Variants in SLC25A21 observed in about 807,000 individuals in gnomAD.
SLC25A21 encodes the protein mitochondrial 2-oxodicarboxylate carrier.
A neutral mutation model predicts 43.8 loss-of-function variants in SLC25A21; 47 were observed. The observed-to-expected ratio is 1.07, with a 90% CI of 0.85 to 1.37. The LOEUF is 1.37. Among genes scored for constraint, SLC25A21 ranks in the 40% most tolerant of loss-of-function variants. SLC25A21 has a pLI of 0.00. For missense variants in SLC25A21, 352 were observed against 350.2 expected (o/e 1.00, Z -0.04); for synonymous variants, 131 against 121.3 (o/e 1.08, Z -0.52).
intron 2 of SLC25A21, among the ~76,000 whole-genome samples, chr14:36,834,526 C>T (rs749721881): frequency 4.6e-5 from 7 of 152,128 alleles, no homozygotes; most frequent in South Asian, 2.1e-4. Flanking sequence ...TACCTTGGTA[C>T]GTTGATTTCT....
At chr14:36,854,817 G>C (rs1312849348) in intron 2 of SLC25A21, among the ~76,000 whole-genome samples, 4 of 152,052 alleles carry the variant, frequency 2.6e-5, no homozygotes, top group African/African-American at 7.2e-5. Flanking sequence ...ATCAACAAAA[G>C]GAAACCAGGG....
At chr14:37,007,786 A>G (rs1388358938) in intron 1 of SLC25A21, among the ~76,000 whole-genome samples, 1 of 152,110 alleles carries the variant, frequency 6.6e-6, no homozygotes, top group Non-Finnish European at 1.5e-5. Flanking sequence ...CATGATAGGC[A>G]TATTTCAAAA....
intron 1 of SLC25A21, among the ~76,000 whole-genome samples, chr14:36,947,243 C>T (rs1417110351): frequency 6.6e-6 from 1 of 152,170 alleles, no homozygotes. Flanking sequence ...TGGGGCAGAA[C>T]TTGTGTATTT....
At chr14:36,935,088 C>A (rs139685419) in intron 1 of SLC25A21, among the ~76,000 whole-genome samples, 7 of 152,108 alleles carry the variant, frequency 4.6e-5, no homozygotes, top group Admixed American at 1.3e-4. Flanking sequence ...GTGTTTCAAT[C>A]CACTCTAAAT....
rs935458418 is a variant in SLC25A21, at chr14:37,037,760, G to C, written c.70+134521C>G. Among the ~76,000 whole-genome samples the C allele has an allele frequency of 2.4e-4, 36 of 152,172 alleles. No homozygotes were observed. In the East Asian group the frequency reaches 5.8e-3, roughly 25 times the overall value. On this transcript the variant is annotated intron_variant, in intron 1 of 9. Coordinates refer to ENST00000331299, the MANE Select transcript of SLC25A21 (RefSeq NM_030631.4). The stretch of plus-strand genomic sequence containing the variant: ...TACCTCTACATTCCCCAGCCCAGAA[G>C]TCTTCGCAGATCATTGATGTCAAAT...
intron 1 of SLC25A21, among the ~76,000 whole-genome samples, chr14:37,141,045 C>CT (rs1169341360): frequency 3.3e-5 from 5 of 152,034 alleles, no homozygotes; most frequent in Non-Finnish European, 7.3e-5. Flanking sequence ...ACTTGGGAGA[C>CT]TGAGTCAGGA....
Position 37,144,427 on chromosome 14 carries a change from G to C in SLC25A21, c.70+27854C>G, listed in dbSNP as rs887397153. Among the ~76,000 whole-genome samples, 9 of 152,268 alleles carry C rather than the reference G, an allele frequency of 5.9e-5. No individual in the cohort carries two copies. The South Asian group carries it at 1.2e-3, about 21-fold the overall frequency. On this transcript the variant is annotated intron_variant, in intron 1 of 9. Coordinates refer to ENST00000331299, the MANE Select transcript of SLC25A21 (RefSeq NM_030631.4). ...AAAAAAATTTAGGTTTAGAGGAGGG[G>C]AGTGAACCAAATTATTTGATAGAGT...
At chr14:36,800,001 C>CTT (rs1743859448) in intron 3 of SLC25A21, among the ~76,000 whole-genome samples, 11 of 152,116 alleles carry the variant, frequency 7.2e-5, no homozygotes, top group Admixed American at 5.9e-4. Context: ...GAAAGTCATA[C>CTT]TTTTAATGGC....
chr14:37,102,922 T>C (rs557257196), intron 1 of SLC25A21, among the ~76,000 whole-genome samples: 3 of 151,584 alleles, frequency 2.0e-5, no homozygotes, highest in Non-Finnish European at 4.4e-5. Context: ...GAGGCAGAGG[T>C]TGCAGTGACC....
chr14:37,111,309 AAACC>A (rs1963015776), intron 1 of SLC25A21, among the ~76,000 whole-genome samples: 2 of 152,166 alleles, frequency 1.3e-5, no homozygotes, highest in South Asian at 4.1e-4. Context: ...TGCAGACTGC[AAACC>A]ACTAAGCTTT....
At chr14:36,714,658 G>A (rs1884045708) in intron 6 of SLC25A21, among the ~76,000 whole-genome samples, 1 of 152,218 alleles carries the variant, frequency 6.6e-6, no homozygotes, top group Non-Finnish European at 1.5e-5. Flanking sequence ...TGATCAGGTA[G>A]CTGGAACACA....
chr14:36,821,133 C>T (rs181627518), intron 2 of SLC25A21, among the ~76,000 whole-genome samples: 1 of 152,234 alleles, frequency 6.6e-6, no homozygotes, highest in Non-Finnish European at 1.5e-5. Context: ...TTTATGTGTA[C>T]ACACCGACCT....
chr14:36,832,480 C>T (rs895717748), intron 2 of SLC25A21, among the ~76,000 whole-genome samples: 2 of 152,096 alleles, frequency 1.3e-5, no homozygotes, highest in Non-Finnish European at 2.9e-5. Flanking sequence ...ACAGCAGGGA[C>T]AATCTTTTTT....
intron 3 of SLC25A21, among the ~76,000 whole-genome samples, chr14:36,775,722 C>T (rs1039119496): frequency 2.0e-5 from 3 of 152,162 alleles, no homozygotes; most frequent in East Asian, 1.9e-4. Context: ...TACTTTCTCC[C>T]GTTGTTAAAG....
intron 1 of SLC25A21, among the ~76,000 whole-genome samples, chr14:37,085,357 T>G (rs1962464235): frequency 6.6e-6 from 1 of 152,242 alleles, no homozygotes; most frequent in Non-Finnish European, 1.5e-5. Flanking sequence ...TTCTCTGTCT[T>G]GCTCACCCCT....
intron 1 of SLC25A21, among the ~76,000 whole-genome samples, chr14:36,998,569 T>C (rs1960421755): frequency 6.6e-6 from 1 of 152,130 alleles, no homozygotes. Flanking sequence ...ATAAGTGTAT[T>C]TCATTATGGA....
intron 3 of SLC25A21, among the ~76,000 whole-genome samples, chr14:36,794,875 A>G (rs1258118302): frequency 6.9e-6 from 1 of 144,624 alleles, no homozygotes; most frequent in African/African-American, 2.6e-5. Context: ...ATTCGAAAGT[A>G]AAAATATTAA....
Position 36,679,600 on chromosome 14 carries a change from G to GTATT in SLC25A21, c.*1054_*1057dup. ...ATAGTAATCCTTAGAAATGCTAAGTGTATTTCTTTTTCAGAACATTTCCCC... is the reference window on the plus strand; with the variant it reads ...ATAGTAATCCTTAGAAATGCTAAGTGTATTTATTTCTTTTTCAGAACATTTCCCC... On this transcript the variant is annotated 3_prime_UTR_variant, in exon 10 of 10. Coordinates refer to ENST00000331299, the MANE Select transcript of SLC25A21 (RefSeq NM_030631.4). The GTATT allele has an allele frequency of 2.0e-6, 2 of 985,378 alleles. No homozygotes were observed. Among genetic ancestry groups the GTATT allele is most frequent in the Non-Finnish European group, 2.4e-6 (2 of 829,884 alleles). 61.0% of individuals were successfully genotyped at this position (985,378 alleles called of 1,614,324 possible).
chr14:37,016,535 T>A (rs890979579), intron 1 of SLC25A21, among the ~76,000 whole-genome samples: 1 of 152,108 alleles, frequency 6.6e-6, no homozygotes, highest in Non-Finnish European at 1.5e-5. Flanking sequence ...GGCTCTTTTT[T>A]GATTTTTGGC....
Sources: allele counts gnomAD v4.1 joint callset (sites outside exome capture counted in the v4.1 genomes callset), GRCh38; gene constraint gnomAD v4.1.1; transcripts MANE v1.5; gene names NCBI Gene and HGNC (gene_info 2026-07-23, HGNC 2026-07-21).